Variants in YIPF7 observed in about 807,000 individuals in gnomAD.
YIPF7 encodes the protein protein YIPF7.
YIPF7 carries 35 observed loss-of-function variants against 27.2 expected under a neutral mutation model. The observed-to-expected ratio is 1.29, with a 90% CI of 0.98 to 1.70. The LOEUF is 1.70. Ranked by LOEUF, YIPF7 falls within the 40% of genes most tolerant of loss-of-function variation. The pLI is 0.00. For synonymous variants in YIPF7, 137 were observed against 110.4 expected, an observed-to-expected ratio of 1.24 and a Z score of -1.51; for missense variants, 358 against 303.7, an observed-to-expected ratio of 1.18 and a Z score of -1.33.
chr4:44,655,707 T>C (rs367946851), upstream of YIPF7, among the ~76,000 whole-genome samples: 3 of 152,170 alleles, frequency 2.0e-5, no homozygotes, highest in South Asian at 2.1e-4. Context: ...ACGCATTGTT[T>C]TCCGTTATTT....
At chr4:44,651,383 C>T (rs1248916494) in intron 1 of YIPF7, among the ~76,000 whole-genome samples, 171 bp downstream of exon 1, 1 of 152,120 alleles carries the variant, frequency 6.6e-6, no homozygotes, top group South Asian at 2.1e-4. Context: ...ACTTTCTCAA[C>T]ACATGAAAAT....
intron 1 of YIPF7, among the ~76,000 whole-genome samples, chr4:44,661,377 CA>C (rs1335552577): frequency 1.3e-5 from 2 of 152,188 alleles, no homozygotes; most frequent in African/African-American, 2.4e-5. Flanking sequence ...AAGAACCACA[CA>C]GGGGGTCTAA....
chr4:44,654,928 G>A (rs868319797), upstream of YIPF7, among the ~76,000 whole-genome samples: 2 of 151,978 alleles, frequency 1.3e-5, no homozygotes, highest in South Asian at 4.2e-4. Flanking sequence ...AGATAACAAA[G>A]CTCACTTAAA....
Position 44,622,584 on chromosome 4 carries a change from A to G in YIPF7, c.609-8T>C, listed in dbSNP as rs768178405. On this transcript the variant is annotated splice_polypyrimidine_tract_variant and splice_region_variant and intron_variant, in intron 5 of 5. Transcript: ENST00000415895. The stretch of plus-strand genomic sequence containing the variant: ...ATGATTCCAAAGATGCCCCTGCAGC[A>G]AAGACAAAGAAATGATTGCCTGTGC... 2.3e-5 allele frequency: 37 copies of G among 1,611,614 alleles called. No individual in the cohort carries two copies. The highest frequency in any genetic ancestry group is 3.1e-5 in the Non-Finnish European group (36 of 1,179,154).
At chr4:44,646,280 G>T (rs1170363049) in intron 2 of YIPF7, among the ~76,000 whole-genome samples, 1 of 152,226 alleles carries the variant, frequency 6.6e-6, no homozygotes, top group Non-Finnish European at 1.5e-5. Flanking sequence ...GATGAGTTTG[G>T]TGGTAGCATG....
At chr4:44,629,218 T>A in intron 4 of YIPF7, 185 bp downstream of exon 4, 1 of 581,662 alleles carries the variant, frequency 1.7e-6, no homozygotes. Flanking sequence ...TTTAAATTTA[T>A]ACTTTTTAGC....
Position 44,624,629 on chromosome 4 carries a change from A to T in YIPF7, c.580T>A (p.Ser194Thr). The change falls in exon 5 of 6, where the codon TCT (serine) becomes ACT (threonine). Residue 194 changes from serine to threonine, a missense_variant. Physicochemically the swap from Ser to Thr is moderately conservative, Grantham distance 58 (BLOSUM62 1). Coordinates refer to ENST00000415895, the MANE Select transcript of YIPF7 (RefSeq NM_182592.3). ...GYCLLPMVILSGCAMFFSLQG... is the reference protein window; with the variant it reads ...GYCLLPMVILTGCAMFFSLQG... ...AGTGAAAAGAACATGGCGCAACCAG[A>T]CAGGATGACCATGGGGAGCAGGCAG... 1.3e-6 allele frequency: 2 copies of T among 1,598,108 alleles called. No homozygotes were observed. The highest frequency in any genetic ancestry group is 1.7e-6 in the Non-Finnish European group (2 of 1,172,920).
chr4:44,650,324 C>T (rs1002294301), intron 1 of YIPF7, among the ~76,000 whole-genome samples: 3 of 152,116 alleles, frequency 2.0e-5, no homozygotes, highest in African/African-American at 7.2e-5. Flanking sequence ...CTGAAGTTTT[C>T]GCACCCTGGA....
intron 2 of YIPF7, among the ~76,000 whole-genome samples, chr4:44,645,472 A>G (rs1335025702): frequency 6.6e-6 from 1 of 152,326 alleles, no homozygotes; most frequent in Non-Finnish European, 1.5e-5. Flanking sequence ...TAATGTAATA[A>G]GTCAGATTAA....
intron 3 of YIPF7, among the ~76,000 whole-genome samples, chr4:44,633,430 G>T (rs1457267029): frequency 1.3e-5 from 2 of 150,812 alleles, no homozygotes; most frequent in African/African-American, 4.9e-5. Context: ...AAAAAAATTA[G>T]TTAAGCAGCA....
At chr4:44,638,853 A>T (rs1367279503) in intron 2 of YIPF7, among the ~76,000 whole-genome samples, 2 of 151,990 alleles carry the variant, frequency 1.3e-5, no homozygotes, top group Non-Finnish European at 2.9e-5. Flanking sequence ...ATCCATCTTG[A>T]GTTTATTTTT....
At chr4:44,630,733 T>C (rs1464435197) in intron 3 of YIPF7, among the ~76,000 whole-genome samples, 1 of 152,226 alleles carries the variant, frequency 6.6e-6, no homozygotes, top group Non-Finnish European at 1.5e-5. Flanking sequence ...TAGAATCTGC[T>C]TCTCTTATTA....
intron 2 of YIPF7, among the ~76,000 whole-genome samples, chr4:44,660,011 G>A (rs906340415): frequency 1.3e-5 from 2 of 149,756 alleles, no homozygotes; most frequent in Non-Finnish European, 3.0e-5. Context: ...CTACTCGGGA[G>A]GCTGAGACAG....
chr4:44,656,384 C>G (rs73815511), upstream of YIPF7, among the ~76,000 whole-genome samples: 1 of 151,816 alleles, frequency 6.6e-6, no homozygotes, highest in Non-Finnish European at 1.5e-5. Flanking sequence ...TTATTCTTAC[C>G]TCTTAGGTGC....
chr4:44,658,058 A>AAAAT (rs1022492556), intron 2 of YIPF7, among the ~76,000 whole-genome samples: 5 of 152,126 alleles, frequency 3.3e-5, no homozygotes, highest in Non-Finnish European at 5.9e-5. Context: ...ACCTTTATAA[A>AAAAT]AAATAAATAA....
At chr4:44,638,297 A>G (rs1713208483) in intron 2 of YIPF7, among the ~76,000 whole-genome samples, 1 of 150,290 alleles carries the variant, frequency 6.7e-6, no homozygotes, top group African/African-American at 2.5e-5. Context: ...CCAAAGCCAG[A>G]TGGAGCTGGA....
chr4:44,644,910 TATC>T (rs1028006650), intron 2 of YIPF7, among the ~76,000 whole-genome samples: 2 of 152,150 alleles, frequency 1.3e-5, no homozygotes, highest in Admixed American at 1.3e-4. Context: ...TTGATAAAGT[TATC>T]ATGATATCTG....
upstream of YIPF7, among the ~76,000 whole-genome samples, chr4:44,654,406 T>C (rs182147686): frequency 7.2e-5 from 11 of 152,098 alleles, no homozygotes; most frequent in South Asian, 8.3e-4. Flanking sequence ...GTTCTACTCA[T>C]AGACACTTTC....
upstream of YIPF7, among the ~76,000 whole-genome samples, chr4:44,655,438 G>T (rs1219117809): frequency 1.3e-5 from 2 of 151,888 alleles, no homozygotes; most frequent in Non-Finnish European, 2.9e-5. Flanking sequence ...AAAATATTAT[G>T]TATGGCTGCC....
Sources: allele counts gnomAD v4.1 joint callset (sites outside exome capture counted in the v4.1 genomes callset), GRCh38; gene constraint gnomAD v4.1.1; transcripts MANE v1.5; gene names NCBI Gene and HGNC (gene_info 2026-07-23, HGNC 2026-07-21).